Variants in KAZN observed in about 807,000 individuals in gnomAD.
KAZN encodes kazrin, periplakin interacting protein.
Under a neutral mutation model 87.4 loss-of-function variants are expected in KAZN, and 40 were observed. The observed-to-expected ratio is 0.46, with a 90% confidence interval of 0.36 to 0.60. The LOEUF (loss-of-function observed/expected upper bound fraction) is 0.60, where lower values mean the gene tolerates loss of function less well. KAZN is among the 20% of genes least tolerant of loss of function. KAZN has a pLI of 0.00. For synonymous variants in KAZN, 466 were observed against 458.3 expected (o/e 1.02, Z -0.22); for missense variants, 898 against 1,073.9 (o/e 0.84, Z 2.29).
At chr1:14,601,095 A>G (rs1449529139) in intron 1 of KAZN, among the ~76,000 whole-genome samples, 3 of 152,070 alleles carry the variant, frequency 2.0e-5, no homozygotes, top group Non-Finnish European at 4.4e-5. Context: ...AACACATAAA[A>G]CCAGCAGCTC....
At chr1:14,471,975 G>A (rs750539829) in intron 2 of KAZN, among the ~76,000 whole-genome samples, 10 of 152,284 alleles carry the variant, frequency 6.6e-5, no homozygotes, top group Admixed American at 3.3e-4. Context: ...TAATGGAAAT[G>A]TATTACTTAT....
At chr1:14,429,757 G>A (rs924218817) in intron 2 of KAZN, among the ~76,000 whole-genome samples, 1 of 152,116 alleles carries the variant, frequency 6.6e-6, no homozygotes, top group East Asian at 1.9e-4. Flanking sequence ...TGTCACCGTC[G>A]TCGTCGTCAT....
At chr1:14,521,046 C>T (rs1365664592) in intron 2 of KAZN, among the ~76,000 whole-genome samples, 1 of 152,182 alleles carries the variant, frequency 6.6e-6, no homozygotes, top group Admixed American at 6.5e-5. Context: ...GAGTACTCCC[C>T]ACTCTTGGAA....
chr1:15,027,534 T>C (rs1671298192), intron 2 of KAZN, among the ~76,000 whole-genome samples: 1 of 152,182 alleles, frequency 6.6e-6, no homozygotes. Context: ...AGCCTCACAT[T>C]CTGATGGGTG....
chr1:14,359,957 T>G (rs1481700399), intron 2 of KAZN, among the ~76,000 whole-genome samples: 1 of 152,210 alleles, frequency 6.6e-6, no homozygotes, highest in Non-Finnish European at 1.5e-5. Context: ...GTGGTATCTG[T>G]ATTTCCTGAA....
At chr1:14,064,569 G>A (rs956561244) in intron 1 of KAZN, among the ~76,000 whole-genome samples, 3 of 151,854 alleles carry the variant, frequency 2.0e-5, no homozygotes, top group Non-Finnish European at 2.9e-5. Context: ...GTAAGGAAGC[G>A]TTTTTTGATG....
intron 2 of KAZN, among the ~76,000 whole-genome samples, chr1:14,404,283 C>T (rs539349979): frequency 6.6e-6 from 1 of 152,330 alleles, no homozygotes; most frequent in African/African-American, 2.4e-5. Flanking sequence ...CCTATTGGCA[C>T]AGCTGCCAGC....
chr1:14,378,734 AG>A (rs1180171316), intron 2 of KAZN, among the ~76,000 whole-genome samples: 1 of 152,210 alleles, frequency 6.6e-6, no homozygotes, highest in Non-Finnish European at 1.5e-5. Context: ...TCCAGGCAGT[AG>A]GAACTTGAGT....
chr1:13,978,695 A>T (rs1379727432), intron 1 of KAZN, among the ~76,000 whole-genome samples: 11 of 151,886 alleles, frequency 7.2e-5, no homozygotes, highest in Non-Finnish European at 1.0e-4. Flanking sequence ...TTTTTTTTTT[A>T]AAAGTGAAGT....
chr1:14,905,574 A>G (rs1226269060), intron 1 of KAZN, among the ~76,000 whole-genome samples: 2 of 152,208 alleles, frequency 1.3e-5, no homozygotes, highest in African/African-American at 2.4e-5. Context: ...GGCTGGGTGC[A>G]GTGGCTCACG....
At chr1:14,347,325 C>T (rs1171614735) in intron 2 of KAZN, among the ~76,000 whole-genome samples, 1 of 152,152 alleles carries the variant, frequency 6.6e-6, no homozygotes, top group Non-Finnish European at 1.5e-5. Context: ...AGGCACACGA[C>T]CCAGCTACTC....
intron 2 of KAZN, among the ~76,000 whole-genome samples, chr1:14,514,605 A>AT (rs1671194775): frequency 6.3e-4 from 23 of 36,258 alleles, no homozygotes; most frequent in African/African-American, 3.5e-3. Context: ...TTATATATAT[A>AT]TATATATATA....
At chr1:14,927,257 T>A (rs1446520817) in intron 1 of KAZN, among the ~76,000 whole-genome samples, 1 of 152,202 alleles carries the variant, frequency 6.6e-6, no homozygotes, top group Non-Finnish European at 1.5e-5. Context: ...TTCTTTGATC[T>A]TTCATTGTCC....
chr1:14,833,669 T>C (rs1285721149), intron 1 of KAZN, among the ~76,000 whole-genome samples: 1 of 152,114 alleles, frequency 6.6e-6, no homozygotes, highest in Non-Finnish European at 1.5e-5. Flanking sequence ...GAGGATTTCA[T>C]GAAGTCTTGT....
chr1:14,657,077 C>CTT (rs35046893), intron 1 of KAZN, among the ~76,000 whole-genome samples: 843 of 83,272 alleles, frequency 0.01, 20 homozygotes, highest in East Asian at 0.026. Flanking sequence ...AAGAGAGAGG[C>CTT]TTTTTTTTTT....
At chr1:15,036,206 C>G (rs957504323) in intron 3 of KAZN, among the ~76,000 whole-genome samples, 4 of 150,194 alleles carry the variant, frequency 2.7e-5, no homozygotes, top group Non-Finnish European at 5.9e-5. Context: ...CCCGGCTCCC[C>G]CTACCCTGCC....
chr1:14,889,902 T>A (rs754493247), intron 1 of KAZN, among the ~76,000 whole-genome samples: 6 of 152,246 alleles, frequency 3.9e-5, no homozygotes, highest in Non-Finnish European at 8.8e-5. Context: ...CTGTCTTACA[T>A]GACAAAATAT....
chr1:14,371,210 A>C (rs956369430), intron 2 of KAZN, among the ~76,000 whole-genome samples: 1 of 152,138 alleles, frequency 6.6e-6, no homozygotes, highest in East Asian at 1.9e-4. Context: ...CATTTGGGAC[A>C]AGTCCTGGGG....
chr1:14,320,289 T>C (rs913326267), intron 2 of KAZN, among the ~76,000 whole-genome samples: 1 of 152,136 alleles, frequency 6.6e-6, no homozygotes, highest in Non-Finnish European at 1.5e-5. Context: ...GAAAGAGATA[T>C]AGGTTCCTCA....
Sources: allele counts gnomAD v4.1 joint callset (sites outside exome capture counted in the v4.1 genomes callset), GRCh38; gene constraint gnomAD v4.1.1; transcripts MANE v1.5; gene names NCBI Gene and HGNC (gene_info 2026-07-23, HGNC 2026-07-21).